Variants in FMN1 observed in about 807,000 individuals in gnomAD.
FMN1 encodes the protein formin 1.
A neutral mutation model predicts 132.4 loss-of-function variants in FMN1; 110 were observed. That is an observed-to-expected ratio of 0.83 (90% CI 0.71 to 0.97). The LOEUF (loss-of-function observed/expected upper bound fraction) is 0.97, where lower values mean the gene tolerates loss of function less well. Among genes scored for constraint, FMN1 ranks in the 50% least tolerant of loss-of-function variants. FMN1 has a pLI of 0.00. For missense variants in FMN1, 1,792 were observed against 1,705.3 expected, an observed-to-expected ratio of 1.05 and a Z score of -0.90; for synonymous variants, 722 against 651.7, an observed-to-expected ratio of 1.11 and a Z score of -1.64.
intron 17 of FMN1, among the ~76,000 whole-genome samples, chr15:32,823,071 G>A (rs1019423599): frequency 1.3e-5 from 2 of 151,250 alleles, no homozygotes; most frequent in African/African-American, 4.9e-5. Context: ...CATATCCTGA[G>A]CTACCCAAGG....
At chr15:32,798,038 C>A (rs559350550) in intron 19 of FMN1, among the ~76,000 whole-genome samples, 1 of 152,254 alleles carries the variant, frequency 6.6e-6, no homozygotes, top group South Asian at 2.1e-4. Context: ...ATCTGTTCCA[C>A]AGGAGTAGTA....
intron 4 of FMN1, among the ~76,000 whole-genome samples, chr15:33,140,773 C>CA (rs1963977566): frequency 6.6e-6 from 1 of 151,858 alleles, no homozygotes. Context: ...ACAGCATGTG[C>CA]AAAGGCACAG....
chr15:32,944,765 CAG>C (rs1199697176), intron 9 of FMN1, among the ~76,000 whole-genome samples: 1 of 151,300 alleles, frequency 6.6e-6, no homozygotes, highest in Non-Finnish European at 1.5e-5. Flanking sequence ...AAGGCTATGA[CAG>C]TGTGGGGGTG....
intron 5 of FMN1, among the ~76,000 whole-genome samples, chr15:33,073,444 T>G (rs1412270771): frequency 6.6e-6 from 1 of 152,120 alleles, no homozygotes; most frequent in Non-Finnish European, 1.5e-5. Flanking sequence ...TGAAAAAAAG[T>G]TAAGAGCAAT....
intron 6 of FMN1, chr15:33,064,300 T>G (rs1300403161): frequency 6.6e-6 from 1 of 152,236 alleles, no homozygotes. Flanking sequence ...CATGCAATTC[T>G]TAATATCTTA....
intron 17 of FMN1, among the ~76,000 whole-genome samples, chr15:32,820,203 T>C (rs963052034): frequency 6.6e-6 from 1 of 152,000 alleles, no homozygotes; most frequent in African/African-American, 2.4e-5. Context: ...ACGTGAAGGG[T>C]GTATATAAAC....
chr15:33,068,588 G>C (rs984990765), intron 5 of FMN1, among the ~76,000 whole-genome samples: 4 of 151,928 alleles, frequency 2.6e-5, no homozygotes, highest in African/African-American at 9.7e-5. Context: ...CATCTCAAAA[G>C]TGCCTAGAAC....
At chr15:33,036,209 G>C (rs1489446966) in intron 6 of FMN1, among the ~76,000 whole-genome samples, 1 of 152,170 alleles carries the variant, frequency 6.6e-6, no homozygotes, top group Non-Finnish European at 1.5e-5. Context: ...CTTAAGGGCA[G>C]AACCGTTTTT....
chr15:33,028,494 C>T (rs1202477578), intron 6 of FMN1, among the ~76,000 whole-genome samples: 2 of 149,600 alleles, frequency 1.3e-5, no homozygotes, highest in African/African-American at 4.9e-5. Context: ...CTGGAAAAAA[C>T]ATATAAAGAA....
intron 7 of FMN1, among the ~76,000 whole-genome samples, chr15:32,995,337 T>TCTATAAAAAGTTGATAATTTTA (rs1390384783): frequency 1.3e-5 from 2 of 152,130 alleles, no homozygotes; most frequent in Non-Finnish European, 2.9e-5. Flanking sequence ...ATCAGCAACT[T>TCTATAAAAAGTTGATAATTTTA]CTATAAAAAG....
At chr15:33,051,744 T>C (rs560906830) in intron 6 of FMN1, among the ~76,000 whole-genome samples, 7 of 152,236 alleles carry the variant, frequency 4.6e-5, no homozygotes, top group African/African-American at 1.7e-4. Context: ...AAACACACTG[T>C]ACATGCAGCC....
intron 4 of FMN1, among the ~76,000 whole-genome samples, chr15:33,107,735 C>T (rs954243120): frequency 2.0e-5 from 3 of 152,022 alleles, no homozygotes; most frequent in Admixed American, 6.6e-5. Flanking sequence ...TTTTACCCAT[C>T]GTACTTATCA....
chr15:32,892,454 G>GTTA (rs2060054701), intron 15 of FMN1, among the ~76,000 whole-genome samples: 1 of 152,180 alleles, frequency 6.6e-6, no homozygotes, highest in African/African-American at 2.4e-5. Context: ...GTTGGATGCA[G>GTTA]TTAGCTAGTA....
intron 16 of FMN1, among the ~76,000 whole-genome samples, chr15:32,876,675 G>C (rs564523275): frequency 8.5e-5 from 13 of 152,268 alleles, no homozygotes; most frequent in African/African-American, 2.9e-4. Flanking sequence ...AAAAGATTGA[G>C]AACAATTATA....
chr15:32,962,564 A>C (rs1310446611), intron 9 of FMN1, among the ~76,000 whole-genome samples: 18 of 151,156 alleles, frequency 1.2e-4, no homozygotes, highest in African/African-American at 4.4e-4. Context: ...CAACCTACAA[A>C]ATGGGAGAAA....
chr15:32,907,491 G>A (rs1230362623), intron 12 of FMN1, among the ~76,000 whole-genome samples: 1 of 152,018 alleles, frequency 6.6e-6, no homozygotes, highest in Non-Finnish European at 1.5e-5. Flanking sequence ...ACCTCCTGCT[G>A]TGTGGCCTGG....
At chr15:32,881,078 A>AT (rs1345445775) in intron 16 of FMN1, among the ~76,000 whole-genome samples, 5 of 145,316 alleles carry the variant, frequency 3.4e-5, no homozygotes, top group Non-Finnish European at 6.2e-5. Context: ...GTTTTTGCAT[A>AT]TTTTTTGTAT....
At chr15:32,858,181 T>C (rs1048692345) in intron 16 of FMN1, among the ~76,000 whole-genome samples, 1 of 152,216 alleles carries the variant, frequency 6.6e-6, no homozygotes, top group African/African-American at 2.4e-5. Flanking sequence ...GATCTTTATT[T>C]ACATTGGGAA....
intron 12 of FMN1, among the ~76,000 whole-genome samples, chr15:32,903,398 T>C (rs2060343560): frequency 6.6e-6 from 1 of 152,234 alleles, no homozygotes; most frequent in African/African-American, 2.4e-5. Flanking sequence ...AAATCAGGGG[T>C]ATCATCAGTC....
Sources: gnomAD v4.1 joint callset for allele counts (sites outside exome capture counted in the v4.1 genomes callset) on GRCh38, gnomAD v4.1.1 for gene constraint, MANE v1.5 for transcripts, NCBI Gene and HGNC (gene_info 2026-07-23, HGNC 2026-07-21) for gene names.